Variants in ADAMTS17 observed in about 807,000 individuals in gnomAD.
ADAMTS17 encodes the protein A disintegrin and metalloproteinase with thrombospondin motifs 17.
ADAMTS17 carries 113 observed loss-of-function variants against 141.5 expected under a neutral mutation model. The ratio of observed to expected loss-of-function variants is 0.80; its 90% CI spans 0.69 to 0.93. The LOEUF (loss-of-function observed/expected upper bound fraction) is 0.93, where lower values mean the gene tolerates loss of function less well. Ranked by LOEUF, ADAMTS17 falls within the 40% of genes least tolerant of loss-of-function variation. The probability of loss-of-function intolerance (pLI) is 0.00; values close to 1 mark genes in which losing one functional copy is unlikely to be tolerated. For missense variants in ADAMTS17, 1,659 were observed against 1,517.9 expected (o/e 1.09, Z -1.54); for synonymous variants, 768 against 630.6 (o/e 1.22, Z -3.27).
Position 99,971,762 on chromosome 15 carries a change from G to A in ADAMTS17, c.*2640C>T, listed in dbSNP as rs142112505. 1 of 152,246 alleles carries A rather than the reference G, an allele frequency of 6.6e-6. No homozygotes were observed. Among genetic ancestry groups the A allele is most frequent in the Non-Finnish European group, 1.5e-5 (1 of 68,056 alleles). The allele number at this position is 152,246 out of a possible 1,614,324, so 9.4% of individuals were successfully genotyped here. ...GCACCAATAAAAATAGCACCGTAGGGTCGTGAGACTCTGGTAACACGTGCG... is the reference window on the plus strand; with the variant it reads ...GCACCAATAAAAATAGCACCGTAGGATCGTGAGACTCTGGTAACACGTGCG... On this transcript the variant is annotated 3_prime_UTR_variant, in exon 22 of 22. Coordinates refer to ENST00000268070, the MANE Select transcript of ADAMTS17 (RefSeq NM_139057.4).
At chr15:100,107,188 C>T (rs1002950739) in intron 14 of ADAMTS17, among the ~76,000 whole-genome samples, 1 of 152,196 alleles carries the variant, frequency 6.6e-6, no homozygotes, top group Non-Finnish European at 1.5e-5. Context: ...GTCTTTATGC[C>T]TTGCCTCCTC....
chr15:100,080,491 C>T (rs530801631), intron 15 of ADAMTS17, among the ~76,000 whole-genome samples: 1 of 152,254 alleles, frequency 6.6e-6, no homozygotes, highest in South Asian at 2.1e-4. Context: ...CAGCCCAATC[C>T]AGGCAGGACT....
At chr15:100,051,204 G>A (rs370342553) in intron 17 of ADAMTS17, among the ~76,000 whole-genome samples, 61 of 152,224 alleles carry the variant, frequency 4.0e-4, no homozygotes, top group South Asian at 2.7e-3. Context: ...ATTTGGGAGC[G>A]GGCAGAGACA....
chr15:100,026,637 G>A (rs1005861086), intron 18 of ADAMTS17, among the ~76,000 whole-genome samples: 6 of 152,222 alleles, frequency 3.9e-5, no homozygotes, highest in African/African-American at 1.4e-4. Flanking sequence ...CTTGACCTGG[G>A]TCTGGGGGAC....
At chr15:100,134,604 C>G (rs1400186942) in intron 10 of ADAMTS17, among the ~76,000 whole-genome samples, 4 of 152,172 alleles carry the variant, frequency 2.6e-5, no homozygotes, top group Non-Finnish European at 4.4e-5. Flanking sequence ...GTCTGCTCTT[C>G]CAAGTAATCT....
At chr15:100,153,643 C>T (rs1376622135) in intron 9 of ADAMTS17, among the ~76,000 whole-genome samples, 1 of 152,068 alleles carries the variant, frequency 6.6e-6, no homozygotes, top group Non-Finnish European at 1.5e-5. Context: ...GACTCTGACT[C>T]ATAAATAACT....
At chr15:100,265,978 C>T (rs1269122031) in intron 4 of ADAMTS17, among the ~76,000 whole-genome samples, 1 of 152,218 alleles carries the variant, frequency 6.6e-6, no homozygotes, top group Non-Finnish European at 1.5e-5. Flanking sequence ...GGGAACCAGC[C>T]AGTGCTCTAG....
chr15:100,169,198 C>T (rs940820421), intron 8 of ADAMTS17, among the ~76,000 whole-genome samples: 1 of 152,182 alleles, frequency 6.6e-6, no homozygotes, highest in Non-Finnish European at 1.5e-5. Context: ...TCCATTCATG[C>T]TCTTATCCAT....
Position 100,311,795 on chromosome 15 carries a change from CAGAG to C in ADAMTS17, c.616+19090_616+19093del, listed in dbSNP as rs1413984769. Among the ~76,000 whole-genome samples, 3 of 150,654 alleles carry C rather than the reference CAGAG, an allele frequency of 2.0e-5. No individual in the cohort carries two copies. The East Asian group carries it at 5.8e-4, about 29-fold the overall frequency. On this transcript the variant is annotated intron_variant, in intron 3 of 21. Transcript: ENST00000268070. ...TGCCCTAGCCTCACATCTGGGTTCT[CAGAG>C]AGAACATGTCCAACAGATAAGTGAA...
intron 3 of ADAMTS17, among the ~76,000 whole-genome samples, chr15:100,325,427 T>C (rs559539228): frequency 9.2e-5 from 14 of 152,324 alleles, no homozygotes; most frequent in Admixed American, 3.3e-4. Flanking sequence ...GACGGAGACA[T>C]GCAGAGAGAT....
At chr15:99,981,045 C>T (rs1046860605) in intron 20 of ADAMTS17, among the ~76,000 whole-genome samples, 4 of 152,170 alleles carry the variant, frequency 2.6e-5, no homozygotes, top group Admixed American at 6.5e-5. Flanking sequence ...CACGGGTCCA[C>T]GTCTTGCTCA....
At chr15:100,297,953 G>C (rs2044882454) in intron 3 of ADAMTS17, among the ~76,000 whole-genome samples, 1 of 152,056 alleles carries the variant, frequency 6.6e-6, no homozygotes, top group Admixed American at 6.6e-5. Context: ...TGAGAGGCAG[G>C]GCTGCGTGGC....
At chr15:100,314,671 T>C (rs2045506207) in intron 3 of ADAMTS17, among the ~76,000 whole-genome samples, 1 of 152,216 alleles carries the variant, frequency 6.6e-6, no homozygotes, top group South Asian at 2.1e-4. Flanking sequence ...AGAGTTATTT[T>C]TGAGTCTGGG....
chr15:100,105,565 G>A (rs1596446828), intron 14 of ADAMTS17, among the ~76,000 whole-genome samples: 1 of 152,154 alleles, frequency 6.6e-6, no homozygotes, highest in African/African-American at 2.4e-5. Flanking sequence ...AAATTGAACC[G>A]TTCATACCAA....
At chr15:100,066,102 C>A (rs2033504241) in intron 15 of ADAMTS17, among the ~76,000 whole-genome samples, 1 of 152,154 alleles carries the variant, frequency 6.6e-6, no homozygotes, top group Non-Finnish European at 1.5e-5. Flanking sequence ...ACATGTGCCA[C>A]ATTTTCTTTA....
chr15:100,171,277 C>A (rs75421942), intron 8 of ADAMTS17, among the ~76,000 whole-genome samples: 2,082 of 152,138 alleles, frequency 0.014, 26 homozygotes, highest in Non-Finnish European at 0.019. Flanking sequence ...GGCCTTACCC[C>A]CTTCCTTCCT....
At chr15:100,177,281 T>G (rs965592585) in intron 8 of ADAMTS17, among the ~76,000 whole-genome samples, 13 of 152,254 alleles carry the variant, frequency 8.5e-5, no homozygotes, top group Non-Finnish European at 7.3e-5. Context: ...TGTAAGCACT[T>G]AACAGCTATA....
intron 3 of ADAMTS17, among the ~76,000 whole-genome samples, chr15:100,299,401 A>G (rs1175493426): frequency 6.6e-6 from 1 of 151,684 alleles, no homozygotes; most frequent in East Asian, 1.9e-4. Context: ...AACAAACGCC[A>G]GTACTTAGAA....
intron 15 of ADAMTS17, among the ~76,000 whole-genome samples, chr15:100,060,347 G>C (rs1027934306): frequency 1.3e-5 from 2 of 152,202 alleles, no homozygotes; most frequent in African/African-American, 4.8e-5. Flanking sequence ...TTTGCAATGA[G>C]CTGGAGTGTG....
Sources: gnomAD v4.1 joint callset for allele counts (sites outside exome capture counted in the v4.1 genomes callset) on GRCh38, gnomAD v4.1.1 for gene constraint, MANE v1.5 for transcripts, NCBI Gene and HGNC (gene_info 2026-07-23, HGNC 2026-07-21) for gene names.